The following SERINC5 variants were observed in gnomAD, a reference collection of about 807,000 sequenced individuals.
SERINC5 encodes serine incorporator 5.
In SERINC5, 41 loss-of-function variants were observed where a neutral mutation model predicts 63.1. The ratio of observed to expected loss-of-function variants is 0.65; its 90% CI spans 0.51 to 0.84. SERINC5 has a LOEUF of 0.84. Among genes scored for constraint, SERINC5 ranks in the 40% least tolerant of loss-of-function variants. The pLI, the probability that SERINC5 is intolerant of heterozygous loss-of-function variation, is 0.00. For synonymous variants in SERINC5, 222 were observed against 215.2 expected (o/e 1.03, Z -0.28); for missense variants, 523 against 573.0 (o/e 0.91, Z 0.89).
At chr5:80,161,857 T>A (rs995026575) in intron 7 of SERINC5, among the ~76,000 whole-genome samples, 1 of 152,176 alleles carries the variant, frequency 6.6e-6, no homozygotes, top group African/African-American at 2.4e-5. Flanking sequence ...AAGTCTTTAA[T>A]CCACCTTTTG....
At chr5:80,149,480 C>CTA (rs1459391181) in intron 9 of SERINC5, among the ~76,000 whole-genome samples, 1 of 152,206 alleles carries the variant, frequency 6.6e-6, no homozygotes, top group Non-Finnish European at 1.5e-5. Flanking sequence ...ATGCCCATAT[C>CTA]TAGACAGACA....
intron 1 of SERINC5, among the ~76,000 whole-genome samples, chr5:80,248,866 T>C (rs1304929245): frequency 6.6e-6 from 1 of 152,178 alleles, no homozygotes; most frequent in African/African-American, 2.4e-5. Context: ...ATGTTGAAAA[T>C]GACAGAAATA....
chr5:80,177,411 GA>G lies in SERINC5; in HGVS notation c.375-15del, dbSNP rs751813287. ...AAGAACCAAAAGCTAGAAGTGGGGG[GA>G]AAAAAAAGAGGAAATGTATTTAAAT... On this transcript the variant is annotated splice_polypyrimidine_tract_variant and intron_variant, in intron 3 of 11. Coordinates refer to ENST00000507668, the MANE Select transcript of SERINC5 (RefSeq NM_001174072.3). 8.1e-5 allele frequency: 128 copies of G among 1,583,568 alleles called. No homozygotes were observed. The highest frequency in any genetic ancestry group is 1.7e-4 in the Middle Eastern group (1 of 5,968).
chr5:80,164,876 T>C (rs1747166365), intron 7 of SERINC5, among the ~76,000 whole-genome samples: 1 of 151,510 alleles, frequency 6.6e-6, no homozygotes, highest in South Asian at 2.1e-4. Flanking sequence ...TAAAAAAATG[T>C]AGAGCACTTG....
chr5:80,232,523 C>T (rs576246343), intron 1 of SERINC5, among the ~76,000 whole-genome samples: 114 of 151,966 alleles, frequency 7.5e-4, no homozygotes, highest in Non-Finnish European at 1.6e-3. Flanking sequence ...CAGTGGCTCA[C>T]GCCTGTAATC....
intron 1 of SERINC5, among the ~76,000 whole-genome samples, chr5:80,224,406 G>A (rs536305089): frequency 7.9e-5 from 12 of 151,978 alleles, no homozygotes; most frequent in Non-Finnish European, 1.8e-4. Flanking sequence ...GAGCCCAGGA[G>A]GTCGAGGCTG....
intron 2 of SERINC5, among the ~76,000 whole-genome samples, chr5:80,201,249 C>T (rs1341080826): frequency 3.9e-5 from 6 of 152,372 alleles, no homozygotes; most frequent in African/African-American, 1.4e-4. Context: ...CCGGACTTCC[C>T]TCCACCTCCT....
At chr5:80,178,839 A>G (rs899775453) in intron 2 of SERINC5, among the ~76,000 whole-genome samples, 7 of 152,104 alleles carry the variant, frequency 4.6e-5, no homozygotes, top group African/African-American at 1.7e-4. Context: ...ATTAATTCAC[A>G]TACATAAATG....
intron 1 of SERINC5, among the ~76,000 whole-genome samples, chr5:80,247,294 G>GTCCT (rs1340532185): frequency 1.3e-5 from 2 of 152,202 alleles, no homozygotes; most frequent in African/African-American, 4.8e-5. Context: ...AAACTGGAAA[G>GTCCT]TAAAGCTTCC....
intron 2 of SERINC5, among the ~76,000 whole-genome samples, chr5:80,190,414 T>C (rs554668252): frequency 3.3e-5 from 5 of 152,166 alleles, no homozygotes; most frequent in African/African-American, 7.2e-5. Flanking sequence ...TTTGTAAAAA[T>C]CCAGTGAATT....
chr5:80,180,073 G>C (rs1198732187), intron 2 of SERINC5, among the ~76,000 whole-genome samples: 3 of 151,910 alleles, frequency 2.0e-5, no homozygotes, highest in Non-Finnish European at 4.4e-5. Flanking sequence ...TGATCCACTG[G>C]AGCTCTTTAT....
chr5:80,161,067 T>C (rs938644030), intron 7 of SERINC5, among the ~76,000 whole-genome samples: 3 of 151,674 alleles, frequency 2.0e-5, no homozygotes, highest in Non-Finnish European at 4.4e-5. Flanking sequence ...TGTATATATA[T>C]AAAAATCACA....
intron 1 of SERINC5, among the ~76,000 whole-genome samples, chr5:80,223,242 G>C (rs1194206128): frequency 6.6e-6 from 1 of 152,120 alleles, no homozygotes; most frequent in African/African-American, 2.4e-5. Flanking sequence ...CTGGTTCCAG[G>C]ACCCCTCGCG....
At chr5:80,176,678 C>G (rs559043107) in intron 4 of SERINC5, among the ~76,000 whole-genome samples, 9 of 152,224 alleles carry the variant, frequency 5.9e-5, no homozygotes, top group African/African-American at 1.7e-4. Context: ...CTCAAGTGAT[C>G]CACCCACCTC....
chr5:80,137,147 AAAAAAAAAAAAAAAAAC>A (rs1312395508), downstream of SERINC5, among the ~76,000 whole-genome samples: 1 of 121,278 alleles, frequency 8.2e-6, no homozygotes, highest in Non-Finnish European at 1.8e-5. Context: ...CTCAAAAAAA[AAAAAAAAAAAAAAAAAC>A]AAAAAAAACA....
At chr5:80,173,486 C>T (rs1292970053) in intron 5 of SERINC5, among the ~76,000 whole-genome samples, 1 of 152,130 alleles carries the variant, frequency 6.6e-6, no homozygotes, top group East Asian at 1.9e-4. Context: ...GTCCCAGCTA[C>T]TTGAGAGGCT....
At chr5:80,133,783 C>G (rs1334396763), downstream of SERINC5, among the ~76,000 whole-genome samples, 1 of 152,198 alleles carries the variant, frequency 6.6e-6, no homozygotes, top group Non-Finnish European at 1.5e-5. Flanking sequence ...TATTATTACG[C>G]AAATCAGTCT....
intron 1 of SERINC5, among the ~76,000 whole-genome samples, chr5:80,240,302 G>A (rs923237780): frequency 2.0e-5 from 3 of 152,122 alleles, no homozygotes; most frequent in African/African-American, 7.2e-5. Flanking sequence ...CTGCTCAAAA[G>A]CCTAACTCTC....
Position 80,142,238 on chromosome 5 carries a change from G to T in SERINC5, c.*1425C>A, listed in dbSNP as rs909364592. On this transcript the variant is annotated 3_prime_UTR_variant, in exon 12 of 12. Transcript: ENST00000507668. The stretch of plus-strand genomic sequence containing the variant: ...ATAGGCATCATCTTGGGTAGCTGCC[G>T]AAAGTCACGTTTCTGTATTACTTTG... 21 of 985,178 alleles carry T rather than the reference G, an allele frequency of 2.1e-5. No homozygotes were observed. The highest frequency in any genetic ancestry group is 5.2e-4 in the Middle Eastern group (1 of 1,936). 61.0% of individuals were successfully genotyped at this position (985,178 alleles called of 1,614,324 possible).
Sources: gnomAD v4.1 joint callset for allele counts (sites outside exome capture counted in the v4.1 genomes callset) on GRCh38, gnomAD v4.1.1 for gene constraint, MANE v1.5 for transcripts, NCBI Gene and HGNC (gene_info 2026-07-23, HGNC 2026-07-21) for gene names.